XRN1: variants seen among roughly 807,000 people sequenced by gnomAD.
XRN1 encodes strand-exchange protein 1 homolog.
A neutral mutation model predicts 222.3 loss-of-function variants in XRN1; 67 were observed. The ratio of observed to expected loss-of-function variants is 0.30; its 90% CI spans 0.25 to 0.37. The LOEUF (loss-of-function observed/expected upper bound fraction) is 0.37, where lower values mean the gene tolerates loss of function less well. Among genes scored for constraint, XRN1 ranks in the 10% least tolerant of loss-of-function variants. The probability of loss-of-function intolerance (pLI) is 1.00; values close to 1 mark genes in which losing one functional copy is unlikely to be tolerated. For missense variants in XRN1, 1,707 were observed against 2,000.2 expected, an observed-to-expected ratio of 0.85 and a Z score of 2.80; for synonymous variants, 643 against 652.4, an observed-to-expected ratio of 0.99 and a Z score of 0.22.
intron 34 of XRN1, among the ~76,000 whole-genome samples, chr3:142,333,614 A>G (rs2065766296): frequency 6.6e-6 from 1 of 152,158 alleles, no homozygotes; most frequent in Non-Finnish European, 1.5e-5. Context: ...TATTCCCCCA[A>G]AATTCTTCTG....
At chr3:142,444,500 T>C (rs752948998) in intron 1 of XRN1, among the ~76,000 whole-genome samples, 1 of 152,030 alleles carries the variant, frequency 6.6e-6, no homozygotes, top group Non-Finnish European at 1.5e-5. Context: ...TCCCAGCTAC[T>C]TGGGTGGCTA....
chr3:142,432,978 T>C, intron 1 of XRN1, 85 bp from the exon 2 acceptor site: 1 of 1,024,848 alleles, frequency 9.8e-7, no homozygotes, highest in Non-Finnish European at 1.4e-6. Flanking sequence ...GATTATTCAA[T>C]GATGAAAAGC....
chr3:142,323,293 TG>T (rs1423736359), intron 37 of XRN1, among the ~76,000 whole-genome samples: 18 of 150,650 alleles, frequency 1.2e-4, no homozygotes, highest in African/African-American at 3.4e-4. Context: ...GTTTTTTTTT[TG>T]TTTTTTTTTT....
rs557562476 is a variant in XRN1 at position 142,341,172 on chromosome 3, AT to A, written c.3878-5664del. 9.2e-5 allele frequency among the ~76,000 whole-genome samples: 14 copies of A among 152,252 alleles called. 1 individual carries two copies. The South Asian group carries it at 2.5e-3, about 27-fold the overall frequency. ...GCAGGAGGATGAAGTTAAATTATAGATTTTTTATTAGTTTTCTTTTTGTTTA... is the reference window on the plus strand; with the variant it reads ...GCAGGAGGATGAAGTTAAATTATAGATTTTTATTAGTTTTCTTTTTGTTTA... On this transcript the variant is annotated intron_variant, in intron 33 of 40. Coordinates refer to ENST00000392981, the MANE Select transcript of XRN1 (RefSeq NM_001282857.2).
chr3:142,432,488 G>C (rs899505693), intron 2 of XRN1, among the ~76,000 whole-genome samples, 173 bp downstream of exon 2: 5 of 151,620 alleles, frequency 3.3e-5, no homozygotes, highest in African/African-American at 1.2e-4. Flanking sequence ...ATCTCACTGA[G>C]TTCCTAACTC....
In XRN1 at chr3:142,425,288, G is replaced by A. The variant is rs375173958; in HGVS notation, c.561C>T (p.Ser187=). 3.5e-5 allele frequency: 57 copies of A among 1,607,274 alleles called. No homozygotes were observed. Among genetic ancestry groups the A allele is most frequent in the Admixed American group, 6.7e-5 (4 of 59,288 alleles). Residue 187 remains serine (S), a synonymous_variant, in exon 5 of 41, where the codon TCC becomes TCT. Coordinates refer to ENST00000392981, the MANE Select transcript of XRN1 (RefSeq NM_001282857.2). ...GEHKIMEFIR[S]EKAKPDHDPN... The stretch of plus-strand genomic sequence containing the variant: ...GATCATGATCTGGCTTTGCTTTCTC[G>A]GATCTGATAAATTCCATGATTTTAT...
rs375610435 is a variant in XRN1, at chr3:142,416,961, G to A, written c.1436+179C>T. ...GCAGAATTGCTTGAACCCAGGAGGC[G>A]GAGATTGCAATGAGCCGAGATCATG... On this transcript the variant is annotated intron_variant, in intron 13 of 40. Coordinates refer to ENST00000392981, the MANE Select transcript of XRN1 (RefSeq NM_001282857.2). Among the ~76,000 whole-genome samples, 184 of 149,652 alleles carry A rather than the reference G, an allele frequency of 1.2e-3. 2 individuals carry two copies. In the South Asian group the frequency reaches 0.027, roughly 22 times the overall value.
chr3:142,425,549 T>A lies in XRN1; in HGVS notation c.407-11A>T, dbSNP rs2069211944. 1 of 1,597,398 alleles carries A rather than the reference T, an allele frequency of 6.3e-7. No individual in the cohort carries two copies. Among genetic ancestry groups the A allele is most frequent in the East Asian group, 2.2e-5 (1 of 44,712 alleles). ...CCATAAATTCAGTTCCTAAAAATAA[T>A]GTTTTAAAAAGGTTAATCTAAGAAA... On this transcript the variant is annotated splice_polypyrimidine_tract_variant and intron_variant, in intron 3 of 40. Transcript: ENST00000392981.
chr3:142,414,302 A>C lies in XRN1; in HGVS notation c.1437-11T>G, dbSNP rs9813698. On this transcript the variant is annotated splice_polypyrimidine_tract_variant and intron_variant, in intron 13 of 40. Transcript: ENST00000392981. ...TGATAAGGATAATACCTATAAAACA[A>C]AACTGAGTTTTAAACAAGTGGCATC... 106,613 of 1,539,080 alleles carry C rather than the reference A, an allele frequency of 0.069. 4,207 individuals carry two copies. Among genetic ancestry groups the C allele is most frequent in the Non-Finnish European group, 0.079 (90,201 of 1,140,216 alleles).
Position 142,376,517 on chromosome 3 carries a change from A to G in XRN1, c.2793T>C (p.Phe931=). Reference sequence around the variant, plus strand: ...CTCTTCCAATAAAAATACTTCCTGTAAACCTTGAAACAAGGTATCCACTCA... The same window carrying G: ...CTCTTCCAATAAAAATACTTCCTGTGAACCTTGAAACAAGGTATCCACTCA... The part of the protein sequence containing the change: ...LGVSGYLVSR[F]TGSIFIGRGS... Residue 931 remains phenylalanine (F), a synonymous_variant, in exon 24 of 41, where the codon TTT becomes TTC. Transcript: ENST00000392981. 6.2e-7 allele frequency: 1 copy of G among 1,613,390 alleles called. No individual in the cohort carries two copies. Among genetic ancestry groups the G allele is most frequent in the Non-Finnish European group, 8.5e-7 (1 of 1,179,542 alleles).
At chr3:142,441,018 C>T (rs1402272106) in intron 1 of XRN1, among the ~76,000 whole-genome samples, 2 of 151,894 alleles carry the variant, frequency 1.3e-5, no homozygotes, top group Non-Finnish European at 2.9e-5. Context: ...CATTCAGAAA[C>T]CTTGTGCCAC....
Position 142,307,204 on chromosome 3 carries a change from C to T in XRN1, c.*4307G>A, listed in dbSNP as rs1475206698. On this transcript the variant is annotated 3_prime_UTR_variant, in exon 41 of 41. Coordinates refer to ENST00000392981, the MANE Select transcript of XRN1 (RefSeq NM_001282857.2). The stretch of plus-strand genomic sequence containing the variant: ...GTAAGGGAAAGAAAGGAAGAGAGAA[C>T]TTAAAGCTAACTATGGACCAAATTC... 6.6e-6 allele frequency: 1 copy of T among 152,070 alleles called. No homozygotes were observed. The highest frequency in any genetic ancestry group is 1.5e-5 in the Non-Finnish European group (1 of 67,994). The allele number at this position is 152,070 out of a possible 1,614,324, so 9.4% of individuals were successfully genotyped here.
At chr3:142,324,885 A>C (rs1452919517) in intron 37 of XRN1, among the ~76,000 whole-genome samples, 2 of 152,256 alleles carry the variant, frequency 1.3e-5, no homozygotes, top group East Asian at 3.9e-4. Flanking sequence ...TTGGCTGCAT[A>C]AATGTCTTCT....
In XRN1 at chr3:142,414,277, TGATAAG is replaced by T; in HGVS notation, c.1445_1450del (p.Pro482_Tyr483del). ...TATATCAGACAGGAAAGGTGCATAATGATAAGGATAATACCTATAAAACAAAACTGA... is the reference window on the plus strand; with the variant it reads ...TATATCAGACAGGAAAGGTGCATAATGATAATACCTATAAAACAAAACTGA... On this transcript the variant is annotated inframe_deletion, in exon 14 of 41. Coordinates refer to ENST00000392981, the MANE Select transcript of XRN1 (RefSeq NM_001282857.2). 4 of 1,609,778 alleles carry T rather than the reference TGATAAG, an allele frequency of 2.5e-6. No individual in the cohort carries two copies. Among genetic ancestry groups the T allele is most frequent in the Non-Finnish European group, 3.4e-6 (4 of 1,178,068 alleles).
chr3:142,356,069 TAACA>T (rs1040798268), intron 31 of XRN1, among the ~76,000 whole-genome samples: 1 of 152,186 alleles, frequency 6.6e-6, no homozygotes, highest in Non-Finnish European at 1.5e-5. Flanking sequence ...ATTTAAAGCA[TAACA>T]AACACTATAA....
Position 142,415,346 on chromosome 3 carries a change from A to C in XRN1, c.1437-1055T>G, listed in dbSNP as rs566597083. Among the ~76,000 whole-genome samples the C allele has an allele frequency of 8.5e-5, 13 of 152,180 alleles. No individual in the cohort carries two copies. In the East Asian group the frequency reaches 2.5e-3, roughly 29 times the overall value. Reference sequence around the variant, plus strand: ...GCGTACATTTCAAAAAAAATGGAGGAGTTTAGGAGGCCAAGTGCCATGTGG... The same window carrying C: ...GCGTACATTTCAAAAAAAATGGAGGCGTTTAGGAGGCCAAGTGCCATGTGG... On this transcript the variant is annotated intron_variant, in intron 13 of 40. Coordinates refer to ENST00000392981, the MANE Select transcript of XRN1 (RefSeq NM_001282857.2).
intron 13 of XRN1, among the ~76,000 whole-genome samples, chr3:142,416,560 C>T (rs1376286801): frequency 6.6e-6 from 1 of 152,220 alleles, no homozygotes; most frequent in Non-Finnish European, 1.5e-5. Flanking sequence ...AACACCCTCA[C>T]ATAACCATCA....
Position 142,378,048 on chromosome 3 carries a change from GC to G in XRN1, c.2716-1455del, listed in dbSNP as rs1184095490. ...TTAAATTCATTTCACAGGATATAAA[GC>G]TTTATATTTTACTATTAGTGGAAAA... is the stretch of plus-strand genomic sequence containing the variant. On this transcript the variant is annotated intron_variant, in intron 23 of 40. Coordinates refer to ENST00000392981, the MANE Select transcript of XRN1 (RefSeq NM_001282857.2). Among the ~76,000 whole-genome samples, 6 of 152,132 alleles carry G rather than the reference GC, an allele frequency of 3.9e-5. 1 individual carries two copies. The South Asian group carries it at 8.3e-4, about 21-fold the overall frequency.
intron 39 of XRN1, among the ~76,000 whole-genome samples, chr3:142,316,210 T>A (rs971442855): frequency 6.8e-6 from 1 of 148,040 alleles, no homozygotes; most frequent in Non-Finnish European, 1.5e-5. Context: ...TTAGTCATTA[T>A]CTTCTTTTTT....
Sources: gnomAD v4.1 joint callset for allele counts (sites outside exome capture counted in the v4.1 genomes callset) on GRCh38, gnomAD v4.1.1 for gene constraint, MANE v1.5 for transcripts, NCBI Gene and HGNC (gene_info 2026-07-23, HGNC 2026-07-21) for gene names.